Variants in SMARCA1 observed in about 807,000 individuals in gnomAD.
SMARCA1 encodes the protein SWI/SNF-related matrix-associated actin-dependent regulator of chromatin subfamily A member 1.
Under a neutral mutation model 93.6 loss-of-function variants are expected in SMARCA1, and 17 were observed. The ratio of observed to expected loss-of-function variants is 0.18; its 90% CI spans 0.12 to 0.27. SMARCA1 has a LOEUF of 0.27. Among genes scored for constraint, SMARCA1 ranks in the 10% least tolerant of loss-of-function variants. SMARCA1 has a pLI of 1.00. For missense variants in SMARCA1, 630 were observed against 819.0 expected, an observed-to-expected ratio of 0.77 and a Z score of 2.82; for synonymous variants, 271 against 271.4, an observed-to-expected ratio of 1.00 and a Z score of 0.01.
rs1934006106 is a variant in SMARCA1 at position 129,488,786 on chromosome X, G to A, written c.2097+151C>T. ...AGTTTTAAAGCCTTAATCTACCCCT[G>A]GAAATAGATCTACAAGTTGTTGGAG... On this transcript the variant is annotated intron_variant, in intron 16 of 24. Transcript: ENST00000371121. 1.0e-5 allele frequency: 4 copies of A among 382,767 alleles called. No homozygotes were observed. In the African/African-American group the frequency reaches 1.0e-4, roughly 10 times the overall value. 31.5% of individuals were successfully genotyped at this position (382,767 alleles called of 1,213,427 possible). A position where few individuals can be genotyped will look rare whatever the true frequency, so the allele number is the denominator to read the frequency against.
intron 1 of SMARCA1, among the ~76,000 whole-genome samples, chrX:129,521,530 A>T (rs1330245006): frequency 8.9e-6 from 1 of 111,872 alleles, no homozygotes; most frequent in African/African-American, 3.3e-5. Context: ...GTAGGCATCA[A>T]CTCAGTGTTT....
intron 17 of SMARCA1, 34 bp from the exon 18 acceptor site, chrX:129,481,219 G>A (rs780833313): frequency 8.0e-6 from 7 of 874,326 alleles, no homozygotes; most frequent in Admixed American, 7.0e-5. Context: ...GGGGTTTAAT[G>A]ACTCCAAACA....
chrX:129,504,906 A>AG lies in SMARCA1; in HGVS notation c.1099-105dup, dbSNP rs1456337158. On this transcript the variant is annotated intron_variant, in intron 8 of 24. Transcript: ENST00000371121. ...CAATACGGAAATAATGCATTTAAAA[A>AG]GTACTTTCAAAAATATTATCAGCTG... 6.2e-6 allele frequency: 3 copies of AG among 485,504 alleles called. No homozygotes were observed. In the African/African-American group the frequency reaches 7.3e-5, roughly 12 times the overall value. 40.0% of individuals were successfully genotyped at this position (485,504 alleles called of 1,213,427 possible). A position where few individuals can be genotyped will look rare whatever the true frequency, so the allele number is the denominator to read the frequency against.
At chrX:129,504,633 G>T in intron 9 of SMARCA1, 101 bp downstream of exon 9, 1 of 373,046 alleles carries the variant, frequency 2.7e-6, no homozygotes, top group Non-Finnish European at 4.6e-6. Context: ...ATTGAGCCAA[G>T]AGGCAAACAC....
At chrX:129,500,688 T>C (rs1214123635) in intron 9 of SMARCA1, among the ~76,000 whole-genome samples, 1 of 112,145 alleles carries the variant, frequency 8.9e-6, no homozygotes, top group Non-Finnish European at 1.9e-5. Flanking sequence ...TTATTTGTTT[T>C]TTCATATAGA....
At chrX:129,463,846 A>G (rs953121088) in intron 23 of SMARCA1, among the ~76,000 whole-genome samples, 4 of 111,373 alleles carry the variant, frequency 3.6e-5, no homozygotes, top group African/African-American at 1.3e-4. Context: ...CTGAGACATG[A>G]GAATTGCTTG....
At chrX:129,462,272 GTAGTTCT>G (rs1932819053) in intron 23 of SMARCA1, among the ~76,000 whole-genome samples, 1 of 111,840 alleles carries the variant, frequency 8.9e-6, no homozygotes, top group Non-Finnish European at 1.9e-5. Context: ...TACATTCTCT[GTAGTTCT>G]AAGATGGGAT....
intron 12 of SMARCA1, among the ~76,000 whole-genome samples, chrX:129,493,607 G>A (rs1001319843): frequency 1.8e-5 from 2 of 111,371 alleles, no homozygotes; most frequent in African/African-American, 3.3e-5. Flanking sequence ...GCAAAAACTT[G>A]GGCATGAATC....
chrX:129,450,300 G>T (rs761104500), intron 23 of SMARCA1, among the ~76,000 whole-genome samples: 1 of 111,884 alleles, frequency 8.9e-6, no homozygotes, highest in Non-Finnish European at 1.9e-5. Flanking sequence ...ACGTGCAGAA[G>T]GTGGCCATCT....
rs764174353 is a variant in SMARCA1 at position 129,488,969 on chromosome X, T to G, written c.2065A>C (p.Ile689Leu). The G allele has an allele frequency of 8.5e-7, 1 of 1,181,555 alleles. No homozygotes were observed. Among genetic ancestry groups the G allele is most frequent in the South Asian group, 1.8e-5 (1 of 55,341 alleles). The change falls in exon 16 of 25, where the codon ATT (isoleucine) becomes CTT (leucine). Residue 689 changes from isoleucine (I) to leucine (L), a missense_variant. By Grantham distance (5) the Ile-to-Leu change is conservative (BLOSUM62 2). Around this residue, in one of 4 missense-constraint regions of SMARCA1, gnomAD observed 382 missense variants for 537.9 expected, o/e 0.71. Transcript: ENST00000371121. The stretch of plus-strand genomic sequence containing the variant: ...TCCCCTCTTTCCAGAATAGTTGTAA[T>G]GTCTTCATCTGTCAACTCACTCTCT... ...SKESELTDED[I>L]TTILERGEKK...
chrX:129,501,342 C>T (rs1820675770), intron 9 of SMARCA1, among the ~76,000 whole-genome samples: 1 of 109,525 alleles, frequency 9.1e-6, no homozygotes. Context: ...GTCACCCAGG[C>T]TGGAATGCAG....
chrX:129,509,446 A>G (rs767704766), intron 6 of SMARCA1, among the ~76,000 whole-genome samples: 75 of 110,594 alleles, frequency 6.8e-4, no homozygotes, highest in Admixed American at 1.5e-3. Context: ...TAATTAAGAC[A>G]TTAGGGAATA....
intron 10 of SMARCA1, among the ~76,000 whole-genome samples, chrX:129,498,518 AATG>A (rs1302622751): frequency 2.7e-5 from 3 of 111,603 alleles, no homozygotes; most frequent in Non-Finnish European, 5.6e-5. Flanking sequence ...ACACCCGATC[AATG>A]ATAATATGTA....
chrX:129,523,461 G>T lies in SMARCA1; in HGVS notation c.-91C>A. ...GCTGCACTGGAAAGAGCTAGATGGAGCAGGGGTGGGGAATCACTCCGCTTC... is the reference window on the plus strand; with the variant it reads ...GCTGCACTGGAAAGAGCTAGATGGATCAGGGGTGGGGAATCACTCCGCTTC... On this transcript the variant is annotated 5_prime_UTR_variant, in exon 1 of 25. Transcript: ENST00000371121. 1 of 742,446 alleles carries T rather than the reference G, an allele frequency of 1.3e-6. No homozygotes were observed. Among genetic ancestry groups the T allele is most frequent in the Non-Finnish European group, 1.9e-6 (1 of 523,892 alleles). The allele number at this position is 742,446 out of a possible 1,213,427, so 61.2% of individuals were successfully genotyped here.
At chrX:129,447,530 T>C (rs1470141673) in intron 24 of SMARCA1, among the ~76,000 whole-genome samples, 1 of 111,891 alleles carries the variant, frequency 8.9e-6, no homozygotes, top group Non-Finnish European at 1.9e-5. Context: ...AACTACTTAA[T>C]GTTTTCTGGG....
intron 1 of SMARCA1, among the ~76,000 whole-genome samples, chrX:129,520,837 C>T (rs1195439708): frequency 1.8e-5 from 2 of 112,017 alleles, no homozygotes; most frequent in East Asian, 2.8e-4. Flanking sequence ...AAAAAGTGAT[C>T]GCTAACAGCC....
At chrX:129,481,327 C>G (rs983393853) in intron 17 of SMARCA1, 142 bp from the exon 18 acceptor site, 4 of 442,307 alleles carry the variant, frequency 9.0e-6, no homozygotes, top group Non-Finnish European at 1.2e-5. Context: ...TCACAATTTA[C>G]CTCCAAAGTT....
chrX:129,481,417 T>A (rs1933652320), intron 17 of SMARCA1, among the ~76,000 whole-genome samples: 1 of 112,633 alleles, frequency 8.9e-6, no homozygotes. Flanking sequence ...TTAAAGTTAG[T>A]TCTTCCTTGG....
intron 9 of SMARCA1, among the ~76,000 whole-genome samples, chrX:129,501,050 C>T (rs187949483): frequency 1.2e-4 from 14 of 112,121 alleles, no homozygotes; most frequent in African/African-American, 3.6e-4. Context: ...ATACTATGAA[C>T]TTTACATGTA....
Sources: gnomAD v4.1 joint callset for allele counts (sites outside exome capture counted in the v4.1 genomes callset) on GRCh38, gnomAD v4.1.1 for gene constraint, gnomAD v4.1.1 regional missense constraint, MANE v1.5 for transcripts, NCBI Gene and HGNC (gene_info 2026-07-23, HGNC 2026-07-21) for gene names.